The following PCSK5 variants were observed in gnomAD, a reference collection of about 807,000 sequenced individuals.
PCSK5 encodes the protein proprotein convertase subtilisin/kexin type 5, also known as prohormone convertase 5.
A neutral mutation model predicts 233.2 loss-of-function variants in PCSK5; 129 were observed. The ratio of observed to expected loss-of-function variants is 0.55; its 90% CI spans 0.48 to 0.64. The LOEUF is 0.64. Among genes scored for constraint, PCSK5 ranks in the 30% least tolerant of loss-of-function variants. The pLI is 0.00. For missense variants in PCSK5, 2,076 were observed against 2,430.1 expected, an observed-to-expected ratio of 0.85 and a Z score of 3.06; for synonymous variants, 825 against 879.2, an observed-to-expected ratio of 0.94 and a Z score of 1.09.
At chr9:76,183,272 C>CA (rs1823953410) in intron 16 of PCSK5, among the ~76,000 whole-genome samples, 1 of 152,158 alleles carries the variant, frequency 6.6e-6, no homozygotes, top group Non-Finnish European at 1.5e-5. Flanking sequence ...ACTATGACTT[C>CA]AGCTACCAGG....
At chr9:76,123,867 T>C (rs1005243847) in intron 9 of PCSK5, among the ~76,000 whole-genome samples, 4 of 152,214 alleles carry the variant, frequency 2.6e-5, no homozygotes, top group South Asian at 2.1e-4. Context: ...TTTAAATCAG[T>C]TCAACTGTTT....
At chr9:76,178,542 C>T (rs936121548) in intron 14 of PCSK5, among the ~76,000 whole-genome samples, 4 of 152,122 alleles carry the variant, frequency 2.6e-5, no homozygotes, top group Non-Finnish European at 5.9e-5. Context: ...GTCATTCCAC[C>T]CGAGTTCTAA....
chr9:75,929,338 T>C (rs994321016), intron 1 of PCSK5, among the ~76,000 whole-genome samples: 1 of 152,162 alleles, frequency 6.6e-6, no homozygotes, highest in Non-Finnish European at 1.5e-5. Context: ...AAAACAGATG[T>C]TTTCCTGTCT....
In PCSK5 at chr9:76,361,537, A is replaced by G. The variant is rs1313112711; in HGVS notation, c.*2615A>G. ...ACAACATAGTGAGACTCCCGTGTCT[A>G]CAAAAAATTTAAAAATTAGCCAGGC... On this transcript the variant is annotated 3_prime_UTR_variant, in exon 38 of 38. Transcript: ENST00000674117. 1 of 152,086 alleles carries G rather than the reference A, an allele frequency of 6.6e-6. No individual in the cohort carries two copies. Among genetic ancestry groups the G allele is most frequent in the African/African-American group, 2.4e-5 (1 of 41,392 alleles). 9.4% of individuals were successfully genotyped at this position (152,086 alleles called of 1,614,324 possible).
intron 9 of PCSK5, among the ~76,000 whole-genome samples, chr9:76,116,507 C>T (rs1275279823): frequency 6.6e-6 from 1 of 152,072 alleles, no homozygotes; most frequent in Non-Finnish European, 1.5e-5. Flanking sequence ...ACAGTGACAT[C>T]CTGTCTGTGA....
chr9:75,911,040 G>C (rs754919577), intron 1 of PCSK5, among the ~76,000 whole-genome samples: 2 of 152,036 alleles, frequency 1.3e-5, no homozygotes, highest in Non-Finnish European at 2.9e-5. Flanking sequence ...GCCGATTTGC[G>C]ATCTGTTAAA....
At chr9:76,216,202 CAG>C (rs1359274167) in intron 20 of PCSK5, among the ~76,000 whole-genome samples, 4 of 152,042 alleles carry the variant, frequency 2.6e-5, no homozygotes, top group African/African-American at 4.8e-5. Context: ...TGGAGGGAGA[CAG>C]AGGCTACAAT....
At chr9:76,326,366 AC>A (rs1243096148) in intron 32 of PCSK5, among the ~76,000 whole-genome samples, 1 of 151,586 alleles carries the variant, frequency 6.6e-6, no homozygotes, top group Admixed American at 6.6e-5. Flanking sequence ...AGCCTGGGTG[AC>A]AGAGCAAGAA....
intron 35 of PCSK5, among the ~76,000 whole-genome samples, chr9:76,347,078 T>TG (rs1328989322): frequency 1.3e-5 from 2 of 151,518 alleles, no homozygotes; most frequent in Non-Finnish European, 2.9e-5. Flanking sequence ...TTTTTTCTAT[T>TG]TTTTTTTTCA....
chr9:76,204,547 C>T (rs1299368637), intron 20 of PCSK5, among the ~76,000 whole-genome samples: 1 of 151,908 alleles, frequency 6.6e-6, no homozygotes, highest in Admixed American at 6.6e-5. Context: ...GCCAAGCCTC[C>T]CCGCACTGGA....
intron 3 of PCSK5, among the ~76,000 whole-genome samples, chr9:76,007,105 C>T (rs1389244775): frequency 6.6e-6 from 1 of 152,146 alleles, no homozygotes; most frequent in Non-Finnish European, 1.5e-5. Context: ...CTCTCAGACA[C>T]CTTGTAATTA....
At position 76,122,833 on chromosome 9, in the gene PCSK5, T is replaced by C. The variant is rs1366647457; in HGVS notation, c.1209-11276T>C. 1.3e-3 allele frequency among the ~76,000 whole-genome samples: 195 copies of C among 150,682 alleles called. 3 individuals carry two copies. The highest frequency in any genetic ancestry group is 0.013 in the Admixed American group (192 of 15,154). On this transcript the variant is annotated intron_variant, in intron 9 of 37. Transcript: ENST00000674117. ...TATTTTTTCTTTTTTTTTTCTTTTT[T>C]TTTTTTTTTTAATTGAGACAGAATT...
Position 76,321,429 on chromosome 9 carries a change from T to C in PCSK5, c.3892T>C (p.Tyr1298His). 1 of 1,567,484 alleles carries C rather than the reference T, an allele frequency of 6.4e-7. No homozygotes were observed. Among genetic ancestry groups the C allele is most frequent in the Non-Finnish European group, 8.8e-7 (1 of 1,138,760 alleles). ...TCTGTCTTCCTTCCACAGGGGCTCT[T>C]ATGCAGAAGACGGCATATGTGAACG... ...RCYSKCPEGSYAEDGICERCS... is the reference protein window; with the variant it reads ...RCYSKCPEGSHAEDGICERCS... Residue 1298 changes from tyrosine (Y) to histidine (H), a missense_variant, in exon 31 of 38, where the codon TAT becomes CAT. By Grantham distance (83) the Tyr-to-His change is moderately conservative (BLOSUM62 2). Transcript: ENST00000674117.
At chr9:76,027,785 AT>A (rs559475236) in intron 5 of PCSK5, among the ~76,000 whole-genome samples, 2 of 151,988 alleles carry the variant, frequency 1.3e-5, no homozygotes, top group African/African-American at 4.8e-5. Context: ...AATCACAGTA[AT>A]TTTTTTCCCT....
Position 76,358,627 on chromosome 9 carries a change from T to A in PCSK5, c.5369T>A (p.Val1790Glu). The A allele has an allele frequency of 6.2e-7, 1 of 1,612,780 alleles. No homozygotes were observed. The highest frequency in any genetic ancestry group is 1.3e-5 in the African/African-American group (1 of 75,008). Residue 1790 changes from valine to glutamate, a missense_variant, in exon 38 of 38, where the codon GTG (valine) becomes GAG (glutamate). Transcript: ENST00000674117. ...CTTCTGCTCGGGGCAGCTGTGGTAG[T>A]GTGGAAGAAATCTCGTGGCCGAGTC... ...LVLLLGAAVV[V>E]WKKSRGRVQP... is the part of the protein sequence containing the mutation.
At chr9:75,941,868 A>G (rs1372302710) in intron 2 of PCSK5, among the ~76,000 whole-genome samples, 1 of 152,210 alleles carries the variant, frequency 6.6e-6, no homozygotes, top group East Asian at 1.9e-4. Flanking sequence ...GTCAGAAACC[A>G]GAGGGTCAGA....
In PCSK5 at chr9:76,362,428, C is replaced by T. The variant is rs1192929373; in HGVS notation, c.*3506C>T. On this transcript the variant is annotated 3_prime_UTR_variant, in exon 38 of 38. Transcript: ENST00000674117. ...CATTTTCCAAGTAAGAGATACACAA[C>T]AAGAGTGCTATTTTTTCTTCTTTTT... 2 of 152,154 alleles carry T rather than the reference C, an allele frequency of 1.3e-5. No homozygotes were observed. The highest frequency in any genetic ancestry group is 1.3e-4 in the Admixed American group (2 of 15,270). 9.4% of individuals were successfully genotyped at this position (152,154 alleles called of 1,614,324 possible). A position where few individuals can be genotyped will look rare whatever the true frequency, so the allele number is the denominator to read the frequency against.
chr9:75,989,710 A>G (rs1041855438), intron 3 of PCSK5, among the ~76,000 whole-genome samples: 1 of 152,146 alleles, frequency 6.6e-6, no homozygotes, highest in East Asian at 1.9e-4. Context: ...GGCTGTGTGA[A>G]TGTCCACTTG....
chr9:76,219,582 C>T, intron 20 of PCSK5, among the ~76,000 whole-genome samples: 1 of 152,076 alleles, frequency 6.6e-6, no homozygotes, highest in East Asian at 1.9e-4. Flanking sequence ...GCTCTGTGGG[C>T]CACGCTCCTG....
Sources: allele counts gnomAD v4.1 joint callset (sites outside exome capture counted in the v4.1 genomes callset), GRCh38; gene constraint gnomAD v4.1.1; transcripts MANE v1.5; gene names NCBI Gene and HGNC (gene_info 2026-07-23, HGNC 2026-07-21).